FBXO33: variants seen among roughly 807,000 people sequenced by gnomAD.
FBXO33 encodes F-box protein 33.
Under a neutral mutation model 46.3 loss-of-function variants are expected in FBXO33, and 22 were observed. The ratio of observed to expected loss-of-function variants is 0.48; its 90% CI spans 0.34 to 0.68. The LOEUF (loss-of-function observed/expected upper bound fraction) is 0.68, where lower values mean the gene tolerates loss of function less well. Ranked by LOEUF, FBXO33 falls within the 30% of genes least tolerant of loss-of-function variation. The pLI, the probability that FBXO33 is intolerant of heterozygous loss-of-function variation, is 0.01. For synonymous variants in FBXO33, 337 were observed against 291.3 expected, an observed-to-expected ratio of 1.16 and a Z score of -1.60; for missense variants, 692 against 708.8, an observed-to-expected ratio of 0.98 and a Z score of 0.27.
Position 39,401,328 on chromosome 14 carries a change from G to A in FBXO33, c.1244C>T (p.Ser415Phe). 1.2e-6 allele frequency: 2 copies of A among 1,614,028 alleles called. No homozygotes were observed. The highest frequency in any genetic ancestry group is 1.7e-6 in the Non-Finnish European group (2 of 1,180,004). Reference sequence around the variant, plus strand: ...AGTGAGGAACTTGTCATATTGCCTGGATATAAGATCAACAATAGCCCCTGA... The same window carrying A: ...AGTGAGGAACTTGTCATATTGCCTGAATATAAGATCAACAATAGCCCCTGA... ...CVSGAIVDLI[S>F]RQYDKFLTHF... Residue 415 changes from serine (S) to phenylalanine (F), a missense_variant, in exon 3 of 4, where the codon TCC becomes TTC. Ser to Phe is a radical substitution (Grantham distance 155). Coordinates refer to ENST00000298097, the MANE Select transcript of FBXO33 (RefSeq NM_203301.4).
At chr14:39,430,325 T>A (rs1465073635) in intron 1 of FBXO33, among the ~76,000 whole-genome samples, 1 of 152,232 alleles carries the variant, frequency 6.6e-6, no homozygotes. Flanking sequence ...CTTGGAGCTA[T>A]AACTTATCTC....
At chr14:39,412,676 T>C (rs1048342371) in intron 1 of FBXO33, among the ~76,000 whole-genome samples, 2 of 152,244 alleles carry the variant, frequency 1.3e-5, no homozygotes, top group African/African-American at 2.4e-5. Context: ...ATCTTTTGTG[T>C]ATCTACCACA....
chr14:39,401,404 G>C lies in FBXO33; in HGVS notation c.1168C>G (p.Pro390Ala). Reference protein sequence around the residue: ...KSEDMLKILKPSIPLERIHFD... With the variant: ...KSEDMLKILKASIPLERIHFD... The stretch of plus-strand genomic sequence containing the variant: ...TGAATCCTCTCTAGTGGTATACTGG[G>C]TTTCAGAATCTTTAACATATCTTCA... The change falls in exon 3 of 4, where the codon CCC (proline) becomes GCC (alanine). Residue 390 changes from proline to alanine, a missense_variant. Coordinates refer to ENST00000298097, the MANE Select transcript of FBXO33 (RefSeq NM_203301.4). 6.2e-7 allele frequency: 1 copy of C among 1,614,118 alleles called. No homozygotes were observed.
intron 1 of FBXO33, among the ~76,000 whole-genome samples, chr14:39,418,342 C>T (rs1441672354): frequency 1.3e-5 from 2 of 151,544 alleles, no homozygotes; most frequent in African/African-American, 4.8e-5. Flanking sequence ...GGATTACAGG[C>T]CGGAGCCACT....
intron 1 of FBXO33, among the ~76,000 whole-genome samples, chr14:39,407,264 A>G (rs2075403402): frequency 1.3e-5 from 2 of 152,242 alleles, no homozygotes; most frequent in Admixed American, 1.3e-4. Flanking sequence ...AAATAAATCA[A>G]ACAAGATCTA....
intron 1 of FBXO33, among the ~76,000 whole-genome samples, chr14:39,427,192 A>G (rs1249488724): frequency 6.6e-6 from 1 of 152,178 alleles, no homozygotes; most frequent in Admixed American, 6.5e-5. Flanking sequence ...TTTTTCCTTG[A>G]GTTTTACACC....
At chr14:39,403,798 C>A (rs1231347338) in intron 1 of FBXO33, among the ~76,000 whole-genome samples, 1 of 142,550 alleles carries the variant, frequency 7.0e-6, no homozygotes, top group Non-Finnish European at 1.5e-5. Flanking sequence ...TGAAAAATAC[C>A]ATTTCTTTTT....
At chr14:39,426,718 T>G (rs187389665) in intron 1 of FBXO33, among the ~76,000 whole-genome samples, 1 of 152,208 alleles carries the variant, frequency 6.6e-6, no homozygotes, top group African/African-American at 2.4e-5. Flanking sequence ...CTGTTTCTTG[T>G]GTGTGGAATG....
At chr14:39,405,280 T>C (rs1440637902) in intron 1 of FBXO33, among the ~76,000 whole-genome samples, 1 of 152,172 alleles carries the variant, frequency 6.6e-6, no homozygotes, top group African/African-American at 2.4e-5. Context: ...TACTGGCACC[T>C]TGAACTGGAG....
chr14:39,431,681 T>G lies in FBXO33; in HGVS notation c.482A>C (p.Asp161Ala), dbSNP rs962583015. The change falls in exon 1 of 4, where the codon GAC (aspartate) becomes GCC (alanine). Residue 161 changes from aspartate to alanine, a missense_variant. This residue lies in a region of FBXO33 where 412 missense variants were observed against 370.8 expected (regional missense o/e 1.11). Coordinates refer to ENST00000298097, the MANE Select transcript of FBXO33 (RefSeq NM_203301.4). Reference sequence around the variant, plus strand: ...GACTTCCTCCCCTCCAGTCCCGGTGTCCGCGCCACCTCCGTCCCCTGGGCC... The same window carrying G: ...GACTTCCTCCCCTCCAGTCCCGGTGGCCGCGCCACCTCCGTCCCCTGGGCC... ...GGGPGDGGGA[D>A]TGTGGEEVEA... 6.2e-7 allele frequency: 1 copy of G among 1,613,482 alleles called. No homozygotes were observed. Among genetic ancestry groups the G allele is most frequent in the Non-Finnish European group, 8.5e-7 (1 of 1,179,978 alleles).
intron 1 of FBXO33, among the ~76,000 whole-genome samples, chr14:39,415,482 C>G (rs1439709954): frequency 6.6e-6 from 1 of 152,088 alleles, no homozygotes; most frequent in East Asian, 1.9e-4. Flanking sequence ...ACAAGGTATG[C>G]CTGTATGTGT....
intron 1 of FBXO33, among the ~76,000 whole-genome samples, chr14:39,407,040 C>T (rs904522908): frequency 2.0e-5 from 3 of 152,096 alleles, no homozygotes; most frequent in Middle Eastern, 3.2e-3. Flanking sequence ...GCTACTATAA[C>T]TATGAGTTCA....
At chr14:39,415,670 G>C (rs965637721) in intron 1 of FBXO33, among the ~76,000 whole-genome samples, 20 of 152,110 alleles carry the variant, frequency 1.3e-4, no homozygotes, top group Admixed American at 1.0e-3. Context: ...CATGCTGTTG[G>C]CTTTTTCTTT....
At chr14:39,412,933 T>G (rs972506176) in intron 1 of FBXO33, among the ~76,000 whole-genome samples, 1 of 152,398 alleles carries the variant, frequency 6.6e-6, no homozygotes, top group South Asian at 2.1e-4. Context: ...GTTGTAATCT[T>G]TGGCTGATAG....
At chr14:39,410,488 ATT>A (rs2075417471) in intron 1 of FBXO33, among the ~76,000 whole-genome samples, 6 of 152,120 alleles carry the variant, frequency 3.9e-5, no homozygotes, top group Non-Finnish European at 7.4e-5. Flanking sequence ...CTATAGTTTT[ATT>A]GTTAGTGTCC....
At chr14:39,413,399 C>T (rs1217622940) in intron 1 of FBXO33, among the ~76,000 whole-genome samples, 1 of 152,218 alleles carries the variant, frequency 6.6e-6, no homozygotes, top group East Asian at 1.9e-4. Context: ...TCTACAGTGA[C>T]TTCCTACACT....
At chr14:39,408,092 C>T (rs1273856389) in intron 1 of FBXO33, among the ~76,000 whole-genome samples, 2 of 152,150 alleles carry the variant, frequency 1.3e-5, no homozygotes, top group African/African-American at 4.8e-5. Flanking sequence ...AGGTGTGCGC[C>T]ACCATGCCTG....
At chr14:39,412,350 CTAAGATA>C (rs1303970139) in intron 1 of FBXO33, among the ~76,000 whole-genome samples, 1 of 152,114 alleles carries the variant, frequency 6.6e-6, no homozygotes, top group Non-Finnish European at 1.5e-5. Context: ...AGTCTATTTT[CTAAGATA>C]TAAGTATAGA....
At chr14:39,430,856 C>G (rs767241088) in intron 1 of FBXO33, among the ~76,000 whole-genome samples, 1 of 152,114 alleles carries the variant, frequency 6.6e-6, no homozygotes, top group African/African-American at 2.4e-5. Context: ...AAAACCAGAA[C>G]AGTTATGTGC....
Sources: allele counts gnomAD v4.1 joint callset (sites outside exome capture counted in the v4.1 genomes callset), GRCh38; gene constraint gnomAD v4.1.1; regional missense constraint gnomAD v4.1.1; transcripts MANE v1.5; gene names NCBI Gene and HGNC (gene_info 2026-07-23, HGNC 2026-07-21).